TMEM229A: variants seen among roughly 807,000 people sequenced by gnomAD.
TMEM229A encodes transmembrane protein 229A.
Under a neutral mutation model 30.0 loss-of-function variants are expected in TMEM229A, and 23 were observed. That is an observed-to-expected ratio of 0.77 (90% CI 0.55 to 1.09). The LOEUF (loss-of-function observed/expected upper bound fraction) is 1.09, where lower values mean the gene tolerates loss of function less well. Ranked by LOEUF, TMEM229A falls within the 50% of genes least tolerant of loss-of-function variation. The pLI, the probability that TMEM229A is intolerant of heterozygous loss-of-function variation, is 0.00. For missense variants in TMEM229A, 534 were observed against 525.9 expected, an observed-to-expected ratio of 1.02 and a Z score of -0.15; for synonymous variants, 264 against 241.5, an observed-to-expected ratio of 1.09 and a Z score of -0.86.
In TMEM229A at chr7:124,031,711, A is replaced by T. The variant is rs1402915982; in HGVS notation, c.*150T>A. ...ACGGGTTTCAAATAGAAAAACTAAA[A>T]GGTGGAATAAAACAATTTGGAAGAG... is the stretch of plus-strand genomic sequence containing the variant. On this transcript the variant is annotated 3_prime_UTR_variant, in exon 1 of 1. Coordinates refer to ENST00000455783, the MANE Select transcript of TMEM229A (RefSeq NM_001136002.2). This position sits in a 1 kb window ranked among gnomAD's most constrained non-coding sequence, Gnocchi z 4.1. The T allele has an allele frequency of 5.1e-6, 4 of 778,366 alleles. No homozygotes were observed. The highest frequency in any genetic ancestry group is 1.8e-5 in the African/African-American group (1 of 57,116). The allele number at this position is 778,366 out of a possible 1,614,324, so 48.2% of individuals were successfully genotyped here.
Position 124,032,018 on chromosome 7 carries a change from C to A in TMEM229A, c.986G>T (p.Arg329Leu). ...GTCCCAGGAACAAGCCCCGCACGTG[C>A]GGAGTCCCAGACCCCAGGACAGCTC... ...VWELSWGLGLRTCGACSWDYS... is the reference protein window; with the variant it reads ...VWELSWGLGLLTCGACSWDYS... The change falls in exon 1 of 1, where the codon CGC becomes CTC. Residue 329 changes from arginine (R) to leucine (L), a missense_variant. Transcript: ENST00000455783. The surrounding 1 kb of genome is among the most constrained non-coding windows in gnomAD (Gnocchi z 6.6). 1 of 1,551,658 alleles carries A rather than the reference C, an allele frequency of 6.4e-7. No individual in the cohort carries two copies. Among genetic ancestry groups the A allele is most frequent in the Non-Finnish European group, 8.7e-7 (1 of 1,146,994 alleles).
At position 124,032,615 on chromosome 7, in the gene TMEM229A, A is replaced by T. The variant is rs1478187413; in HGVS notation, c.389T>A (p.Val130Glu). 6.4e-7 allele frequency: 1 copy of T among 1,550,972 alleles called. No homozygotes were observed. Among genetic ancestry groups the T allele is most frequent in the Admixed American group, 2.0e-5 (1 of 50,982 alleles). Residue 130 changes from valine to glutamate, a missense_variant, in exon 1 of 1, where the codon GTG (valine) becomes GAG (glutamate). Physicochemically the swap from Val to Glu is moderately radical, Grantham distance 121 (BLOSUM62 -2). Coordinates refer to ENST00000455783, the MANE Select transcript of TMEM229A (RefSeq NM_001136002.2). This position sits in a 1 kb window ranked among gnomAD's most constrained non-coding sequence, Gnocchi z 6.6. Reference sequence around the variant, plus strand: ...CTGGCCCGCTAGGGTCTGCAGCCCCACGTGGGCCGAGGGGTAGAGGAGGAA... The same window carrying T: ...CTGGCCCGCTAGGGTCTGCAGCCCCTCGTGGGCCGAGGGGTAGAGGAGGAA... ...FNFLLYPSAHVGLQTLAGQAL... is the reference protein window; with the variant it reads ...FNFLLYPSAHEGLQTLAGQAL...
rs1210193019 is a variant in TMEM229A, at chr7:124,030,986, A to C, written c.*875T>G. The C allele has an allele frequency of 6.6e-6, 1 of 152,264 alleles. No individual in the cohort carries two copies. Among genetic ancestry groups the C allele is most frequent in the Non-Finnish European group, 1.5e-5 (1 of 68,044 alleles). 9.4% of individuals were successfully genotyped at this position (152,264 alleles called of 1,614,324 possible). On this transcript the variant is annotated 3_prime_UTR_variant, in exon 1 of 1. Coordinates refer to ENST00000455783, the MANE Select transcript of TMEM229A (RefSeq NM_001136002.2). ...TTTCTGCCCTTGAAGTTCCATGTAG[A>C]AAAGGGTCCTTGGAGTTAGAACACT...
Position 124,031,490 on chromosome 7 carries a change from C to G in TMEM229A, c.*371G>C, listed in dbSNP as rs570965434. ...GGTCTCTGATTTAAAGATCCCCCCC[C>G]GCCAAAAAAAAAAAAATTAGTAGCT... On this transcript the variant is annotated 3_prime_UTR_variant, in exon 1 of 1. Coordinates refer to ENST00000455783, the MANE Select transcript of TMEM229A (RefSeq NM_001136002.2). The surrounding 1 kb of genome is among the most constrained non-coding windows in gnomAD (Gnocchi z 4.1). The G allele has an allele frequency of 7.8e-6, 1 of 128,978 alleles. No individual in the cohort carries two copies. The highest frequency in any genetic ancestry group is 3.3e-5 in the African/African-American group (1 of 30,030). The allele number at this position is 128,978 out of a possible 1,614,324, so 8.0% of individuals were successfully genotyped here.
chr7:124,032,589 C>T lies in TMEM229A; in HGVS notation c.415G>A (p.Ala139Thr), dbSNP rs753115124. ...CCGCCGCCCAGGCTGAGTAGTAGCG[C>T]CTGGCCCGCTAGGGTCTGCAGCCCC... The part of the protein sequence containing the change: ...HVGLQTLAGQ[A>T]LLLSLGGGAG... The change falls in exon 1 of 1, where the codon GCG (alanine) becomes ACG (threonine). Residue 139 changes from alanine (A) to threonine (T), a missense_variant. By Grantham distance (58) the Ala-to-Thr change is moderately conservative. Coordinates refer to ENST00000455783, the MANE Select transcript of TMEM229A (RefSeq NM_001136002.2). This position sits in a 1 kb window ranked among gnomAD's most constrained non-coding sequence, Gnocchi z 6.6. The T allele has an allele frequency of 6.4e-7, 1 of 1,550,546 alleles. No homozygotes were observed. The highest frequency in any genetic ancestry group is 1.2e-5 in the South Asian group (1 of 84,010).
chr7:124,031,278 C>G lies in TMEM229A; in HGVS notation c.*583G>C, dbSNP rs1793129660. 1 of 152,204 alleles carries G rather than the reference C, an allele frequency of 6.6e-6. No individual in the cohort carries two copies. The highest frequency in any genetic ancestry group is 1.5e-5 in the Non-Finnish European group (1 of 68,042). The allele number at this position is 152,204 out of a possible 1,614,324, so 9.4% of individuals were successfully genotyped here. ...TAGAACGTGCTTTCACATTTTTCAG[C>G]CTCTTTTCACTTGTGTGCTAGACGG... On this transcript the variant is annotated 3_prime_UTR_variant, in exon 1 of 1. Transcript: ENST00000455783. The surrounding 1 kb of genome is among the most constrained non-coding windows in gnomAD (Gnocchi z 4.1).
rs898606837 is a variant in TMEM229A at position 124,032,295 on chromosome 7, C to T, written c.709G>A (p.Gly237Arg). 6.4e-7 allele frequency: 1 copy of T among 1,550,786 alleles called. No individual in the cohort carries two copies. Among genetic ancestry groups the T allele is most frequent in the Non-Finnish European group, 8.7e-7 (1 of 1,146,912 alleles). Residue 237 changes from glycine (G) to arginine (R), a missense_variant, in exon 1 of 1, where the codon GGG becomes AGG. Coordinates refer to ENST00000455783, the MANE Select transcript of TMEM229A (RefSeq NM_001136002.2). The surrounding 1 kb of genome is among the most constrained non-coding windows in gnomAD (Gnocchi z 6.6). ...PRGAGGAPSQ[G>R]LPDLPRFLFF... ...AGAAAGCGGGGTAGGTCGGGCAGCC[C>T]CTGGCTGGGGGCTCCCCCGGCGCCC...
rs552755161 is a variant in TMEM229A at position 124,031,225 on chromosome 7, A to C, written c.*636T>G. The C allele has an allele frequency of 7.2e-5, 11 of 152,364 alleles. No homozygotes were observed. Among genetic ancestry groups the C allele is most frequent in the Admixed American group, 3.9e-4 (6 of 15,308 alleles). 9.4% of individuals were successfully genotyped at this position (152,364 alleles called of 1,614,324 possible). A position where few individuals can be genotyped will look rare whatever the true frequency, so the allele number is the denominator to read the frequency against. On this transcript the variant is annotated 3_prime_UTR_variant, in exon 1 of 1. Coordinates refer to ENST00000455783, the MANE Select transcript of TMEM229A (RefSeq NM_001136002.2). This position sits in a 1 kb window ranked among gnomAD's most constrained non-coding sequence, Gnocchi z 4.1. Reference sequence around the variant, plus strand: ...AGTGTCACCTGTGTGAGTTGCTAGAAAAGACCTCTCATTTAAAAATCTGTT... The same window carrying C: ...AGTGTCACCTGTGTGAGTTGCTAGACAAGACCTCTCATTTAAAAATCTGTT...
At position 124,032,112 on chromosome 7, in the gene TMEM229A, G is replaced by A. The variant is rs1244762616; in HGVS notation, c.892C>T (p.Leu298Phe). 1.9e-6 allele frequency: 3 copies of A among 1,551,740 alleles called. No individual in the cohort carries two copies. The highest frequency in any genetic ancestry group is 1.7e-4 in the Middle Eastern group (1 of 5,992). The change falls in exon 1 of 1, where the codon CTC becomes TTC. Residue 298 changes from leucine to phenylalanine, a missense_variant. By Grantham distance (22) the Leu-to-Phe change is conservative. Transcript: ENST00000455783. This position sits in a 1 kb window ranked among gnomAD's most constrained non-coding sequence, Gnocchi z 6.6. ...SFVVEKLYFHLHYSRGWGTWK... is the reference protein window; with the variant it reads ...SFVVEKLYFHFHYSRGWGTWK... Reference sequence around the variant, plus strand: ...GTGCCCCAACCGCGGCTGTAGTGGAGGTGGAAGTAGAGCTTTTCCACCACG... The same window carrying A: ...GTGCCCCAACCGCGGCTGTAGTGGAAGTGGAAGTAGAGCTTTTCCACCACG...
In TMEM229A at chr7:124,032,825, TAGA is replaced by T; in HGVS notation, c.176_178del (p.Phe59del). On this transcript the variant is annotated inframe_deletion, in exon 1 of 1. Coordinates refer to ENST00000455783, the MANE Select transcript of TMEM229A (RefSeq NM_001136002.2). The surrounding 1 kb of genome is among the most constrained non-coding windows in gnomAD (Gnocchi z 6.6). ...GTCCAGGGTGATCCCGTGCATCCCGTAGAAGTAGAGGCGCATCCAGGCGGGCAG... is the reference window on the plus strand; with the variant it reads ...GTCCAGGGTGATCCCGTGCATCCCGTAGTAGAGGCGCATCCAGGCGGGCAG... The T allele has an allele frequency of 6.5e-7, 1 of 1,549,144 alleles. No individual in the cohort carries two copies. The highest frequency in any genetic ancestry group is 8.7e-7 in the Non-Finnish European group (1 of 1,146,130).
chr7:124,032,229 T>C lies in TMEM229A; in HGVS notation c.775A>G (p.Thr259Ala), dbSNP rs1178455245. 6 of 1,551,428 alleles carry C rather than the reference T, an allele frequency of 3.9e-6. No homozygotes were observed. Residue 259 changes from threonine (T) to alanine (A), a missense_variant, in exon 1 of 1, where the codon ACC becomes GCC. By Grantham distance (58) the Thr-to-Ala change is moderately conservative. Transcript: ENST00000455783. This position sits in a 1 kb window ranked among gnomAD's most constrained non-coding sequence, Gnocchi z 6.6. ...MHGFLDEIFF[T>A]FFFNVLGQGD... ...TGCCCCAGTACGTTGAAGAAGAAGGTGAAGAAGATCTCATCCAGAAAGCCG... is the reference window on the plus strand; with the variant it reads ...TGCCCCAGTACGTTGAAGAAGAAGGCGAAGAAGATCTCATCCAGAAAGCCG...
In TMEM229A at chr7:124,032,269, A is replaced by G. The variant is rs756438455; in HGVS notation, c.735T>C (p.Leu245=). ...CCAGAAAGCCGTGCATTCCGAAGAAAAGAAAGCGGGGTAGGTCGGGCAGCC... is the reference window on the plus strand; with the variant it reads ...CCAGAAAGCCGTGCATTCCGAAGAAGAGAAAGCGGGGTAGGTCGGGCAGCC... ...SQGLPDLPRF[L]FFGMHGFLDE... is the part of the protein sequence containing the mutation. The change falls in exon 1 of 1, where the codon CTT becomes CTC. Residue 245 remains leucine (L), a synonymous_variant. Coordinates refer to ENST00000455783, the MANE Select transcript of TMEM229A (RefSeq NM_001136002.2). This position sits in a 1 kb window ranked among gnomAD's most constrained non-coding sequence, Gnocchi z 6.6. 4.6e-5 allele frequency: 71 copies of G among 1,551,302 alleles called. No homozygotes were observed. Among genetic ancestry groups the G allele is most frequent in the Admixed American group, 7.8e-5 (4 of 50,988 alleles).
In TMEM229A at chr7:124,031,778, T is replaced by A; in HGVS notation, c.*83A>T. The A allele has an allele frequency of 7.2e-7, 1 of 1,382,716 alleles. No homozygotes were observed. The allele number at this position is 1,382,716 out of a possible 1,614,324, so 85.7% of individuals were successfully genotyped here. On this transcript the variant is annotated 3_prime_UTR_variant, in exon 1 of 1. Transcript: ENST00000455783. The surrounding 1 kb of genome is among the most constrained non-coding windows in gnomAD (Gnocchi z 4.1). ...AAAATTAAAGGACTAAAAAACCCAC[T>A]TCATTTTAAATGTGTAAAAATAAAT...
rs1221316890 is a variant in TMEM229A at position 124,032,286 on chromosome 7, C to T, written c.718G>A (p.Asp240Asn). ...AGGAPSQGLP[D>N]LPRFLFFGMH... ...CCGAAGAAAAGAAAGCGGGGTAGGTCGGGCAGCCCCTGGCTGGGGGCTCCC... is the reference window on the plus strand; with the variant it reads ...CCGAAGAAAAGAAAGCGGGGTAGGTTGGGCAGCCCCTGGCTGGGGGCTCCC... The change falls in exon 1 of 1, where the codon GAC (aspartate) becomes AAC (asparagine). Residue 240 changes from aspartate to asparagine, a missense_variant. By Grantham distance (23) the Asp-to-Asn change is conservative (BLOSUM62 1). Coordinates refer to ENST00000455783, the MANE Select transcript of TMEM229A (RefSeq NM_001136002.2). This position sits in a 1 kb window ranked among gnomAD's most constrained non-coding sequence, Gnocchi z 6.6. The T allele has an allele frequency of 1.9e-5, 29 of 1,551,046 alleles. No homozygotes were observed. The Admixed American group carries it at 4.7e-4, about 25-fold the overall frequency.
In TMEM229A at chr7:124,032,402, C is replaced by A; in HGVS notation, c.602G>T (p.Arg201Leu). 6.5e-7 allele frequency: 1 copy of A among 1,538,926 alleles called. No individual in the cohort carries two copies. Among genetic ancestry groups the A allele is most frequent in the Non-Finnish European group, 8.7e-7 (1 of 1,142,964 alleles). Residue 201 changes from arginine (R) to leucine (L), a missense_variant, in exon 1 of 1, where the codon CGG (arginine) becomes CTG (leucine). Coordinates refer to ENST00000455783, the MANE Select transcript of TMEM229A (RefSeq NM_001136002.2). This position sits in a 1 kb window ranked among gnomAD's most constrained non-coding sequence, Gnocchi z 6.6. Reference protein sequence around the residue: ...QQQQQQQQQQRRGALPVPPGA... With the variant: ...QQQQQQQQQQLRGALPVPPGA... ...GGGAGGGACGGGGAGCGCGCCCCTC[C>A]GCTGCTGCTGCTGCTGCTGCTGCTG...
rs1056622890 is a variant in TMEM229A at position 124,031,926 on chromosome 7, G to A, written c.1078C>T (p.Leu360Phe). 5 of 1,551,664 alleles carry A rather than the reference G, an allele frequency of 3.2e-6. No homozygotes were observed. In the Admixed American group the frequency reaches 7.8e-5, roughly 24 times the overall value. ...GAAATTAGGTCCTGGTACACACTAAGGAATATCCAGCCAGGTAAATACATC... is the reference window on the plus strand; with the variant it reads ...GAAATTAGGTCCTGGTACACACTAAAGAATATCCAGCCAGGTAAATACATC... The part of the protein sequence containing the change: ...TLMYLPGWIF[L>F]SVYQDLISNV... The change falls in exon 1 of 1, where the codon CTT (leucine) becomes TTT (phenylalanine). Residue 360 changes from leucine to phenylalanine, a missense_variant. Physicochemically the swap from Leu to Phe is conservative, Grantham distance 22. Coordinates refer to ENST00000455783, the MANE Select transcript of TMEM229A (RefSeq NM_001136002.2). The surrounding 1 kb of genome is among the most constrained non-coding windows in gnomAD (Gnocchi z 4.1).
rs1368239561 is a variant in TMEM229A at position 124,031,960 on chromosome 7, G to A, written c.1044C>T (p.Leu348=). 4 of 1,551,616 alleles carry A rather than the reference G, an allele frequency of 2.6e-6. No individual in the cohort carries two copies. Among genetic ancestry groups the A allele is most frequent in the Non-Finnish European group, 3.5e-6 (4 of 1,147,000 alleles). The change falls in exon 1 of 1, where the codon CTC becomes CTT. Residue 348 remains leucine (L), a synonymous_variant. Transcript: ENST00000455783. The surrounding 1 kb of genome is among the most constrained non-coding windows in gnomAD (Gnocchi z 4.1). The stretch of plus-strand genomic sequence containing the variant: ...AGCCAGGTAAATACATCAGGGTGAT[G>A]AGGCCCATAAAATTGAGCGGGTAGT... ...YSHYPLNFMG[L]ITLMYLPGWI...
At position 124,032,394 on chromosome 7, in the gene TMEM229A, C is replaced by A. The variant is rs1793146793; in HGVS notation, c.610G>T (p.Ala204Ser). ...QQQQQQQRRG[A>S]LPVPPGARVP... ...CGGGCGCCGGGAGGGACGGGGAGCG[C>A]GCCCCTCCGCTGCTGCTGCTGCTGC... The change falls in exon 1 of 1, where the codon GCG (alanine) becomes TCG (serine). Residue 204 changes from alanine (A) to serine (S), a missense_variant. Coordinates refer to ENST00000455783, the MANE Select transcript of TMEM229A (RefSeq NM_001136002.2). The surrounding 1 kb of genome is among the most constrained non-coding windows in gnomAD (Gnocchi z 6.6). 1 of 1,540,734 alleles carries A rather than the reference C, an allele frequency of 6.5e-7. No homozygotes were observed. The highest frequency in any genetic ancestry group is 8.7e-7 in the Non-Finnish European group (1 of 1,144,584).
In TMEM229A at chr7:124,032,043, C is replaced by T. The variant is rs1027660035; in HGVS notation, c.961G>A (p.Glu321Lys). The T allele has an allele frequency of 2.6e-6, 4 of 1,551,582 alleles. No homozygotes were observed. The African/African-American group carries it at 5.5e-5, about 21-fold the overall frequency. The change falls in exon 1 of 1, where the codon GAG becomes AAG. Residue 321 changes from glutamate to lysine, a missense_variant. Physicochemically the swap from Glu to Lys is moderately conservative, Grantham distance 56. Transcript: ENST00000455783. The surrounding 1 kb of genome is among the most constrained non-coding windows in gnomAD (Gnocchi z 6.6). The stretch of plus-strand genomic sequence containing the variant: ...CGGAGTCCCAGACCCCAGGACAGCT[C>T]CCACACGTAGATGAAGATCACGTAG... Reference protein sequence around the residue: ...PIYVIFIYVWELSWGLGLRTC... With the variant: ...PIYVIFIYVWKLSWGLGLRTC...
Sources: allele counts gnomAD v4.1 joint callset, GRCh38; gene constraint gnomAD v4.1.1; non-coding constraint Gnocchi (gnomAD v3.1); transcripts MANE v1.5; gene names NCBI Gene and HGNC (gene_info 2026-07-23, HGNC 2026-07-21).